Variants in COL22A1 observed in about 807,000 individuals in gnomAD.
COL22A1 encodes the protein collagen alpha-1(XXII) chain.
COL22A1 carries 221 observed loss-of-function variants against 248.9 expected under a neutral mutation model. The observed-to-expected ratio is 0.89, with a 90% confidence interval of 0.80 to 0.99. The LOEUF (loss-of-function observed/expected upper bound fraction) is 0.99. COL22A1 is among the 50% of genes least tolerant of loss of function. The pLI is 0.00. For missense variants in COL22A1, 2,240 were observed against 2,179.0 expected (o/e 1.03, Z -0.56); for synonymous variants, 891 against 793.4 (o/e 1.12, Z -2.07).
chr8:138,835,274 C>G, intron 4 of COL22A1, among the ~76,000 whole-genome samples: 1 of 152,154 alleles, frequency 6.6e-6, no homozygotes, highest in East Asian at 1.9e-4. Context: ...TAATGGAATT[C>G]ATGATATAAT....
chr8:138,631,601 G>C (rs779986369), intron 49 of COL22A1, among the ~76,000 whole-genome samples: 2 of 152,204 alleles, frequency 1.3e-5, no homozygotes, highest in Non-Finnish European at 2.9e-5. Flanking sequence ...ATGCAGCCGA[G>C]CAAGCAGCTC....
At chr8:138,740,142 A>C (rs1430082862) in intron 22 of COL22A1, among the ~76,000 whole-genome samples, 1 of 152,212 alleles carries the variant, frequency 6.6e-6, no homozygotes, top group Non-Finnish European at 1.5e-5. Context: ...AGTTGCTTCC[A>C]GGGGATTCTA....
At chr8:138,813,673 CGTT>C (rs1818444296) in intron 7 of COL22A1, among the ~76,000 whole-genome samples, 4 of 150,196 alleles carry the variant, frequency 2.7e-5, no homozygotes, top group South Asian at 2.1e-4. Context: ...CTTCAGGACA[CGTT>C]AAAGTCCAGC....
intron 4 of COL22A1, among the ~76,000 whole-genome samples, chr8:138,837,430 C>T (rs765854004): frequency 1.3e-5 from 2 of 152,202 alleles, no homozygotes; most frequent in Non-Finnish European, 2.9e-5. Context: ...TCATCTCTCC[C>T]CTGCACTGCT....
At chr8:138,873,663 A>T (rs1362169293) in intron 3 of COL22A1, among the ~76,000 whole-genome samples, 1 of 152,208 alleles carries the variant, frequency 6.6e-6, no homozygotes, top group Non-Finnish European at 1.5e-5. Flanking sequence ...TTCCCTCTCG[A>T]GGACAAAGAG....
chr8:138,800,126 C>T (rs1054308403), intron 11 of COL22A1, among the ~76,000 whole-genome samples: 15 of 152,214 alleles, frequency 9.9e-5, no homozygotes, highest in African/African-American at 3.6e-4. Context: ...GGGACCATGG[C>T]CCTCTTCTCT....
Position 138,654,286 on chromosome 8 carries a change from A to T in COL22A1, c.3333+1611T>A, listed in dbSNP as rs538108666. Among the ~76,000 whole-genome samples, 6 of 152,320 alleles carry T rather than the reference A, an allele frequency of 3.9e-5. No homozygotes were observed. In the East Asian group the frequency reaches 9.7e-4, roughly 25 times the overall value. ...GTAATAAACAGAAGATTGAATCAATAGGTAATGATTTCTTGTCATGTCCTT... is the reference window on the plus strand; with the variant it reads ...GTAATAAACAGAAGATTGAATCAATTGGTAATGATTTCTTGTCATGTCCTT... On this transcript the variant is annotated intron_variant, in intron 45 of 64. Coordinates refer to ENST00000303045, the MANE Select transcript of COL22A1 (RefSeq NM_152888.3).
chr8:138,902,575 G>A (rs1380822879), intron 1 of COL22A1, among the ~76,000 whole-genome samples: 1 of 151,594 alleles, frequency 6.6e-6, no homozygotes, highest in Non-Finnish European at 1.5e-5. Flanking sequence ...GTGTGGTGGT[G>A]GGCGCCTGTA....
intron 12 of COL22A1, among the ~76,000 whole-genome samples, chr8:138,790,112 G>T (rs995607077): frequency 3.3e-5 from 5 of 152,198 alleles, no homozygotes; most frequent in Non-Finnish European, 5.9e-5. Context: ...TGGGTAGCTT[G>T]TAAACTACAG....
chr8:138,722,265 A>T (rs112324763), intron 25 of COL22A1, 176 bp from the exon 26 acceptor site: 22 of 597,030 alleles, frequency 3.7e-5, no homozygotes, highest in African/African-American at 3.0e-4. Flanking sequence ...GTCTGACCAC[A>T]TTTCCCTTTG....
At chr8:138,905,519 T>C (rs1366811850) in intron 1 of COL22A1, among the ~76,000 whole-genome samples, 2 of 152,120 alleles carry the variant, frequency 1.3e-5, no homozygotes, top group Non-Finnish European at 2.9e-5. Flanking sequence ...TGTTTAGAGC[T>C]CCTACCTTAA....
intron 62 of COL22A1, among the ~76,000 whole-genome samples, 173 bp downstream of exon 62, chr8:138,596,731 G>A (rs894208241): frequency 6.6e-6 from 1 of 152,194 alleles, no homozygotes. Context: ...GAAAGTATGT[G>A]TCAGATAAAG....
intron 41 of COL22A1, among the ~76,000 whole-genome samples, chr8:138,673,676 T>C (rs1395775455): frequency 6.6e-6 from 1 of 152,206 alleles, no homozygotes; most frequent in Non-Finnish European, 1.5e-5. Flanking sequence ...GGCCCTGCCC[T>C]GGGCTGGCTG....
At chr8:138,678,245 T>C (rs527728222) in intron 40 of COL22A1, among the ~76,000 whole-genome samples, 4 of 152,306 alleles carry the variant, frequency 2.6e-5, no homozygotes, top group African/African-American at 9.6e-5. Context: ...CATGGGGATA[T>C]GAAGGAACAG....
chr8:138,756,764 G>A (rs1282633923), intron 18 of COL22A1, among the ~76,000 whole-genome samples: 2 of 152,110 alleles, frequency 1.3e-5, no homozygotes, highest in Non-Finnish European at 2.9e-5. Flanking sequence ...TCTATGGACA[G>A]AAAATGTTTC....
At chr8:138,786,585 T>C (rs1488002864) in intron 12 of COL22A1, among the ~76,000 whole-genome samples, 1 of 152,198 alleles carries the variant, frequency 6.6e-6, no homozygotes, top group Non-Finnish European at 1.5e-5. Context: ...GCTGGACTCA[T>C]CATCAGCTGC....
chr8:138,755,072 A>G, intron 21 of COL22A1, 85 bp downstream of exon 21: 3 of 1,368,486 alleles, frequency 2.2e-6, no homozygotes, highest in Non-Finnish European at 3.1e-6. Flanking sequence ...TGCCATGCTC[A>G]GCGCCGGGAA....
intron 4 of COL22A1, among the ~76,000 whole-genome samples, chr8:138,838,853 C>G (rs1820645661): frequency 6.6e-6 from 1 of 152,156 alleles, no homozygotes; most frequent in South Asian, 2.1e-4. Flanking sequence ...CACGTGGTGT[C>G]AGAAGACCTT....
intron 30 of COL22A1, among the ~76,000 whole-genome samples, chr8:138,704,153 C>T (rs1486932998): frequency 1.3e-5 from 2 of 152,206 alleles, no homozygotes; most frequent in Non-Finnish European, 2.9e-5. Context: ...GAGCCAACCA[C>T]AGCTTAAGGA....
Sources: gnomAD v4.1 joint callset for allele counts (sites outside exome capture counted in the v4.1 genomes callset) on GRCh38, gnomAD v4.1.1 for gene constraint, MANE v1.5 for transcripts, NCBI Gene and HGNC (gene_info 2026-07-23, HGNC 2026-07-21) for gene names.